Variants in KDELR1 observed in about 807,000 individuals in gnomAD.
KDELR1 encodes KDEL endoplasmic reticulum protein retention receptor 1.
In KDELR1, 16 loss-of-function variants were observed where a neutral mutation model predicts 25.5. The observed-to-expected ratio is 0.63, with a 90% CI of 0.43 to 0.95. The LOEUF (loss-of-function observed/expected upper bound fraction) is 0.95. KDELR1 is among the 40% of genes least tolerant of loss of function. The pLI, the probability that KDELR1 is intolerant of heterozygous loss-of-function variation, is 0.00. For synonymous variants in KDELR1, 121 were observed against 115.0 expected, an observed-to-expected ratio of 1.05 and a Z score of -0.33; for missense variants, 159 against 265.2, an observed-to-expected ratio of 0.60 and a Z score of 2.78.
rs1600959238 is a variant in KDELR1, at chr19:48,390,414, G to C, written c.192+10C>G. 6.2e-7 allele frequency: 1 copy of C among 1,602,498 alleles called. No homozygotes were observed. Among genetic ancestry groups the C allele is most frequent in the Non-Finnish European group, 8.5e-7 (1 of 1,169,620 alleles). On this transcript the variant is annotated intron_variant, in intron 2 of 4. Transcript: ENST00000330720. ...CAGTGGGGGCCAGAGAGGTGGGGTG[G>C]AGCCTCTACCTTCATACACGTGTTG... is the stretch of plus-strand genomic sequence containing the variant.
chr19:48,385,424 C>A (rs1292959280), intron 3 of KDELR1, among the ~76,000 whole-genome samples: 1 of 152,222 alleles, frequency 6.6e-6, no homozygotes, highest in Admixed American at 6.5e-5. Flanking sequence ...GATCCTACTT[C>A]TTGTTCACCC....
upstream of KDELR1, among the ~76,000 whole-genome samples, chr19:48,393,263 G>C (rs12459689): frequency 0.017 from 2,568 of 152,230 alleles, 65 homozygotes; most frequent in African/African-American, 0.057. This position sits in a 1 kb window ranked among gnomAD's most constrained non-coding sequence, Gnocchi z 5.6. Context: ...CCTGGGACCA[G>C]GGTCGAGACC....
upstream of KDELR1, among the ~76,000 whole-genome samples, chr19:48,393,529 G>A (rs538396699): frequency 1.7e-4 from 26 of 152,246 alleles, no homozygotes; most frequent in African/African-American, 6.0e-4. The surrounding 1 kb of genome is among the most constrained non-coding windows in gnomAD (Gnocchi z 5.6). Flanking sequence ...CTTGTCCCAG[G>A]AGGAAGGCAG....
upstream of KDELR1, among the ~76,000 whole-genome samples, chr19:48,395,713 G>A (rs923305963): frequency 1.1e-4 from 17 of 152,024 alleles, no homozygotes; most frequent in African/African-American, 4.1e-4. Flanking sequence ...TCTAAGTGGG[G>A]TGACTAGGGA....
chr19:48,390,947 C>T (rs1970543533), intron 1 of KDELR1: 2 of 481,494 alleles, frequency 4.2e-6, no homozygotes, highest in African/African-American at 2.0e-5. Flanking sequence ...CCGCCACGGT[C>T]CACGTCACCA....
chr19:48,392,535 G>A (rs907768794), upstream of KDELR1, among the ~76,000 whole-genome samples: 3 of 152,136 alleles, frequency 2.0e-5, no homozygotes, highest in Admixed American at 2.0e-4. Context: ...ACCATCTTAT[G>A]GATCAAACAT....
At chr19:48,383,388 C>T in intron 4 of KDELR1, 61 bp from the exon 5 acceptor site, 2 of 1,489,252 alleles carry the variant, frequency 1.3e-6, no homozygotes, top group Non-Finnish European at 1.8e-6. Context: ...AGGGGACAGC[C>T]TCCCACAGCC....
Position 48,390,383 on chromosome 19 carries a change from CTGCCTCAG to C in KDELR1, c.192+33_192+40del, listed in dbSNP as rs748226297. 12 of 1,476,392 alleles carry C rather than the reference CTGCCTCAG, an allele frequency of 8.1e-6. No homozygotes were observed. The South Asian group carries it at 1.4e-4, about 17-fold the overall frequency. 91.5% of individuals were successfully genotyped at this position (1,476,392 alleles called of 1,614,324 possible). A position where few individuals can be genotyped will look rare whatever the true frequency, so the allele number is the denominator to read the frequency against. On this transcript the variant is annotated intron_variant, in intron 2 of 4. Transcript: ENST00000330720. ...AGTCTGGGACCCACACCCGGCTCCTCTGCCTCAGTGGGGGCCAGAGAGGTGGGGTGGAG... is the reference window on the plus strand; with the variant it reads ...AGTCTGGGACCCACACCCGGCTCCTCTGGGGGCCAGAGAGGTGGGGTGGAG...
chr19:48,393,739 C>T (rs986584820), upstream of KDELR1, among the ~76,000 whole-genome samples: 6 of 152,086 alleles, frequency 3.9e-5, no homozygotes, highest in South Asian at 6.2e-4. This position sits in a 1 kb window ranked among gnomAD's most constrained non-coding sequence, Gnocchi z 5.6. Context: ...TCCTCCAAGC[C>T]GCGGCCGCCG....
At chr19:48,390,617 G>A (rs2147424761) in intron 1 of KDELR1, 93 bp from the exon 2 acceptor site, 2 of 897,960 alleles carry the variant, frequency 2.2e-6, no homozygotes, top group East Asian at 2.7e-5. Flanking sequence ...GAGAGAGGAA[G>A]CTGGGGGTGG....
chr19:48,385,353 T>C (rs2147419774), intron 3 of KDELR1, among the ~76,000 whole-genome samples: 2 of 152,260 alleles, frequency 1.3e-5, no homozygotes, highest in Admixed American at 1.3e-4. Flanking sequence ...GACTGTCACA[T>C]CACCCCATCT....
chr19:48,391,404 C>CGG lies in KDELR1; in HGVS notation c.-48_-47dup. On this transcript the variant is annotated 5_prime_UTR_variant, in exon 1 of 5. Coordinates refer to ENST00000330720, the MANE Select transcript of KDELR1 (RefSeq NM_006801.3). ...GCTGAGCGGGAGGGAGGCAGGCTGG[C>CGG]GGGGGGGTGCCCCCCGAGGCTGCTG... 1 of 1,477,054 alleles carries CGG rather than the reference C, an allele frequency of 6.8e-7. No individual in the cohort carries two copies. The highest frequency in any genetic ancestry group is 1.2e-5 in the South Asian group (1 of 82,466). 91.5% of individuals were successfully genotyped at this position (1,477,054 alleles called of 1,614,324 possible).
upstream of KDELR1, among the ~76,000 whole-genome samples, chr19:48,393,935 C>T (rs990822008): frequency 6.6e-6 from 1 of 151,920 alleles, no homozygotes; most frequent in Non-Finnish European, 1.5e-5. This position sits in a 1 kb window ranked among gnomAD's most constrained non-coding sequence, Gnocchi z 5.6. Context: ...GTAAGCGCTG[C>T]GGCGGCGGAG....
chr19:48,393,990 C>G (rs1297291498), upstream of KDELR1, among the ~76,000 whole-genome samples: 3 of 152,078 alleles, frequency 2.0e-5, no homozygotes, highest in Non-Finnish European at 2.9e-5. This position sits in a 1 kb window ranked among gnomAD's most constrained non-coding sequence, Gnocchi z 5.6. Flanking sequence ...AGCTGCCTGC[C>G]TGGGTGTCGT....
At chr19:48,394,348 G>A (rs1970606606), upstream of KDELR1, among the ~76,000 whole-genome samples, 1 of 151,322 alleles carries the variant, frequency 6.6e-6, no homozygotes, top group South Asian at 2.1e-4. The surrounding 1 kb of genome is among the most constrained non-coding windows in gnomAD (Gnocchi z 5.1). Context: ...AGCGAGGAAG[G>A]GGCAAGCAGT....
At chr19:48,393,722 C>T (rs1362263608), upstream of KDELR1, among the ~76,000 whole-genome samples, 4 of 152,056 alleles carry the variant, frequency 2.6e-5, no homozygotes, top group Non-Finnish European at 5.9e-5. This position sits in a 1 kb window ranked among gnomAD's most constrained non-coding sequence, Gnocchi z 5.6. Flanking sequence ...GTCCCTCCCG[C>T]TCCAGCTCCT....
At chr19:48,387,236 C>G (rs1970504296) in intron 3 of KDELR1, among the ~76,000 whole-genome samples, 1 of 152,018 alleles carries the variant, frequency 6.6e-6, no homozygotes, top group African/African-American at 2.4e-5. Context: ...GTGATCCAAG[C>G]AAGGTGGTAA....
intron 2 of KDELR1, 45 bp downstream of exon 2, chr19:48,390,379 T>C: frequency 7.1e-7 from 1 of 1,412,116 alleles, no homozygotes. Flanking sequence ...CACACCCGGC[T>C]CCTCTGCCTC....
upstream of KDELR1, among the ~76,000 whole-genome samples, chr19:48,394,529 G>C (rs367733669): frequency 2.9e-4 from 43 of 150,062 alleles, no homozygotes; most frequent in East Asian, 5.3e-3. The surrounding 1 kb of genome is among the most constrained non-coding windows in gnomAD (Gnocchi z 5.1). Context: ...CACATGGAAA[G>C]GGGGGAGGAG....
Sources: allele counts gnomAD v4.1 joint callset (sites outside exome capture counted in the v4.1 genomes callset), GRCh38; gene constraint gnomAD v4.1.1; non-coding constraint Gnocchi (gnomAD v3.1); transcripts MANE v1.5; gene names NCBI Gene and HGNC (gene_info 2026-07-23, HGNC 2026-07-21).